The following SLC4A4 variants were observed in gnomAD, a reference collection of about 807,000 sequenced individuals.
SLC4A4 encodes solute carrier family 4 member 4, also known as electrogenic sodium bicarbonate cotransporter 1.
A neutral mutation model predicts 111.5 loss-of-function variants in SLC4A4; 27 were observed. That is an observed-to-expected ratio of 0.24 (90% CI 0.18 to 0.33). The LOEUF (loss-of-function observed/expected upper bound fraction) is 0.33. Ranked by LOEUF, SLC4A4 falls within the 10% of genes least tolerant of loss-of-function variation. The pLI is 1.00. For missense variants in SLC4A4, 909 were observed against 1,315.5 expected (o/e 0.69, Z 4.78); for synonymous variants, 443 against 463.4 (o/e 0.96, Z 0.57).
intron 6 of SLC4A4, among the ~76,000 whole-genome samples, chr4:71,368,719 T>C (rs1042717298): frequency 2.6e-5 from 4 of 152,238 alleles, no homozygotes; most frequent in African/African-American, 7.2e-5. Context: ...GTGTTTATTA[T>C]GTAAATCTTT....
At chr4:71,156,311 T>G (rs1744461453) in intron 2 of SLC4A4, among the ~76,000 whole-genome samples, 1 of 152,198 alleles carries the variant, frequency 6.6e-6, no homozygotes, top group Non-Finnish European at 1.5e-5. Flanking sequence ...AATGAGTTTT[T>G]TTTTGATTTG....
chr4:71,079,432 A>G (rs1428184306), intron 1 of SLC4A4, among the ~76,000 whole-genome samples: 2 of 152,162 alleles, frequency 1.3e-5, no homozygotes, highest in Non-Finnish European at 2.9e-5. Context: ...ATCTCCAAGT[A>G]TCATCAAACC....
At chr4:71,145,427 G>C (rs1744136014) in intron 2 of SLC4A4, among the ~76,000 whole-genome samples, 1 of 152,100 alleles carries the variant, frequency 6.6e-6, no homozygotes, top group Non-Finnish European at 1.5e-5. Context: ...TTGTGTCTCT[G>C]CCAGGCTTTG....
intron 1 of SLC4A4, among the ~76,000 whole-genome samples, chr4:71,233,949 A>G (rs1161782736): frequency 2.0e-5 from 3 of 152,132 alleles, no homozygotes; most frequent in Non-Finnish European, 4.4e-5. Context: ...TTGTGGCCCA[A>G]TCAATATCAT....
intron 2 of SLC4A4, among the ~76,000 whole-genome samples, chr4:71,138,372 G>T (rs1743901564): frequency 6.6e-6 from 1 of 152,100 alleles, no homozygotes; most frequent in Non-Finnish European, 1.5e-5. Flanking sequence ...ATCAAATGAC[G>T]ATCATGGTTG....
intron 1 of SLC4A4, among the ~76,000 whole-genome samples, chr4:71,215,396 A>T (rs1718370128): frequency 6.6e-6 from 1 of 152,214 alleles, no homozygotes; most frequent in African/African-American, 2.4e-5. Flanking sequence ...CTCTACTCTC[A>T]GTTTCACCAT....
chr4:71,090,664 T>C (rs774060992), intron 1 of SLC4A4, among the ~76,000 whole-genome samples: 1 of 152,186 alleles, frequency 6.6e-6, no homozygotes, highest in Non-Finnish European at 1.5e-5. Context: ...GCAGCCAAAA[T>C]ACACGGATGC....
chr4:71,549,384 C>T (rs1316476232), intron 20 of SLC4A4, among the ~76,000 whole-genome samples: 1 of 151,684 alleles, frequency 6.6e-6, no homozygotes, highest in Non-Finnish European at 1.5e-5. Context: ...ATTATGAGCC[C>T]ATGTTGTGAG....
At chr4:71,317,613 C>T (rs1560405350) in intron 3 of SLC4A4, among the ~76,000 whole-genome samples, 1 of 152,008 alleles carries the variant, frequency 6.6e-6, no homozygotes, top group African/African-American at 2.4e-5. Context: ...GCCTCATTTT[C>T]AAAGAGTTCA....
At chr4:71,243,895 T>C (rs1720435502) in intron 2 of SLC4A4, among the ~76,000 whole-genome samples, 2 of 152,178 alleles carry the variant, frequency 1.3e-5, no homozygotes, top group African/African-American at 4.8e-5. Context: ...GAAATATTAT[T>C]TTAGTGACTA....
At chr4:71,529,043 G>A (rs1393115195) in intron 16 of SLC4A4, among the ~76,000 whole-genome samples, 1 of 151,994 alleles carries the variant, frequency 6.6e-6, no homozygotes. Flanking sequence ...CTTCAGGCAT[G>A]TGCGATAGTT....
intron 15 of SLC4A4, 57 bp from the exon 16 acceptor site, chr4:71,497,444 G>T (rs966525779): frequency 3.5e-6 from 5 of 1,425,918 alleles, no homozygotes; most frequent in Non-Finnish European, 4.9e-6. Context: ...AAGTATCAAA[G>T]GCTGCTTTTT....
chr4:71,261,683 T>C (rs1002819700), intron 3 of SLC4A4, among the ~76,000 whole-genome samples: 2 of 152,238 alleles, frequency 1.3e-5, no homozygotes, highest in Non-Finnish European at 2.9e-5. Flanking sequence ...TGCAGCTCTC[T>C]TGAAGTCACC....
At chr4:71,160,480 C>T (rs1304875080) in intron 2 of SLC4A4, among the ~76,000 whole-genome samples, 4 of 151,882 alleles carry the variant, frequency 2.6e-5, no homozygotes, top group African/African-American at 9.7e-5. Flanking sequence ...ATTTCTATAG[C>T]AGTTTAGTAG....
chr4:71,188,050 T>C (rs940972510), intron 1 of SLC4A4, among the ~76,000 whole-genome samples: 1 of 152,216 alleles, frequency 6.6e-6, no homozygotes, highest in Non-Finnish European at 1.5e-5. Context: ...AACGGAGCTC[T>C]CCCTCAGGTA....
At chr4:71,218,785 T>A (rs1718576746) in intron 1 of SLC4A4, among the ~76,000 whole-genome samples, 1 of 152,170 alleles carries the variant, frequency 6.6e-6, no homozygotes, top group Non-Finnish European at 1.5e-5. Context: ...AAGCACTTAT[T>A]ATATTAAATT....
intron 1 of SLC4A4, among the ~76,000 whole-genome samples, chr4:71,193,535 A>G (rs1034277437): frequency 1.3e-5 from 2 of 152,176 alleles, no homozygotes; most frequent in African/African-American, 4.8e-5. Flanking sequence ...TTCCTTCAGA[A>G]TTGGTGCTAA....
At chr4:71,110,212 T>C (rs551278819) in intron 2 of SLC4A4, among the ~76,000 whole-genome samples, 39 of 152,206 alleles carry the variant, frequency 2.6e-4, no homozygotes, top group African/African-American at 9.2e-4. Context: ...TTAATTTTTA[T>C]TATTTATTTA....
At chr4:71,282,198 G>A (rs1723573085) in intron 3 of SLC4A4, among the ~76,000 whole-genome samples, 1 of 151,806 alleles carries the variant, frequency 6.6e-6, no homozygotes, top group Non-Finnish European at 1.5e-5. Context: ...TAGGCCCTGT[G>A]AAAAGCCAGA....
Sources: gnomAD v4.1 joint callset for allele counts (sites outside exome capture counted in the v4.1 genomes callset) on GRCh38, gnomAD v4.1.1 for gene constraint, MANE v1.5 for transcripts, NCBI Gene and HGNC (gene_info 2026-07-23, HGNC 2026-07-21) for gene names.